IGF1R: variants seen among roughly 807,000 people sequenced by gnomAD.
IGF1R encodes insulin like growth factor 1 receptor, also known as insulin-like growth factor 1 receptor.
In IGF1R, 44 loss-of-function variants were observed where a neutral mutation model predicts 144.6. That is an observed-to-expected ratio of 0.30 (90% CI 0.24 to 0.39). The LOEUF is 0.39. IGF1R is among the 10% of genes least tolerant of loss of function. The pLI is 1.00. For synonymous variants in IGF1R, 795 were observed against 722.8 expected, an observed-to-expected ratio of 1.10 and a Z score of -1.60; for missense variants, 1,355 against 1,833.7, an observed-to-expected ratio of 0.74 and a Z score of 4.77.
chr15:98,952,559 T>C (rs2016821315), intron 20 of IGF1R, among the ~76,000 whole-genome samples: 1 of 152,094 alleles, frequency 6.6e-6, no homozygotes, highest in Admixed American at 6.5e-5. Context: ...CAGGTGTGAG[T>C]TCTGCTTCTG....
chr15:98,947,686 T>C (rs1277666101), intron 19 of IGF1R, among the ~76,000 whole-genome samples: 1 of 152,224 alleles, frequency 6.6e-6, no homozygotes, highest in African/African-American at 2.4e-5. Flanking sequence ...TGGTTTGATC[T>C]TCTAAACTGG....
chr15:98,957,002 GCCT>G lies in IGF1R; in HGVS notation c.3723-55_3723-53del, dbSNP rs1325031630. On this transcript the variant is annotated intron_variant, in intron 20 of 20. Coordinates refer to ENST00000650285, the MANE Select transcript of IGF1R (RefSeq NM_000875.5). The stretch of plus-strand genomic sequence containing the variant: ...GAAACCACTGCAGGCGGCCCATGAA[GCCT>G]CCTGGCCATGTGCGCCCTCCCGGTT... 2.5e-6 allele frequency: 4 copies of G among 1,602,016 alleles called. No individual in the cohort carries two copies. In the African/African-American group the frequency reaches 4.0e-5, roughly 16 times the overall value.
intron 2 of IGF1R, among the ~76,000 whole-genome samples, chr15:98,708,853 G>A (rs932447395): frequency 7.9e-5 from 12 of 152,188 alleles, no homozygotes; most frequent in African/African-American, 2.9e-4. Context: ...ACGAGTGAAG[G>A]AACTTTGGAA....
intron 2 of IGF1R, among the ~76,000 whole-genome samples, chr15:98,720,584 A>T (rs901328531): frequency 2.6e-5 from 4 of 152,158 alleles, no homozygotes; most frequent in Non-Finnish European, 4.4e-5. Flanking sequence ...AGTTCCAGAG[A>T]GCTTACTGAG....
At chr15:98,760,905 C>T (rs999944034) in intron 2 of IGF1R, among the ~76,000 whole-genome samples, 9 of 152,342 alleles carry the variant, frequency 5.9e-5, no homozygotes, top group East Asian at 3.9e-4. Context: ...TCTTCTTGGC[C>T]GTGTTGTTTG....
chr15:98,925,057 AC>A (rs1567202982), intron 13 of IGF1R, among the ~76,000 whole-genome samples: 1 of 151,688 alleles, frequency 6.6e-6, no homozygotes, highest in Non-Finnish European at 1.5e-5. Context: ...TCCACCTCCT[AC>A]TTGGTCAGTA....
intron 2 of IGF1R, among the ~76,000 whole-genome samples, chr15:98,758,704 G>T (rs530451081): frequency 6.6e-6 from 1 of 152,310 alleles, no homozygotes; most frequent in South Asian, 2.1e-4. Flanking sequence ...CTGTTTTGGA[G>T]ATTTGGGAGA....
rs2017168343 is a variant in IGF1R, at chr15:98,960,178, C to T, written c.*2736C>T. Reference sequence around the variant, plus strand: ...CCTCATCCACGCCACAGGCGCCACACCCAGGTGATGCAGGGGGAAGCCAGG... The same window carrying T: ...CCTCATCCACGCCACAGGCGCCACATCCAGGTGATGCAGGGGGAAGCCAGG... On this transcript the variant is annotated 3_prime_UTR_variant, in exon 21 of 21. Coordinates refer to ENST00000650285, the MANE Select transcript of IGF1R (RefSeq NM_000875.5). 4.3e-6 allele frequency: 1 copy of T among 233,628 alleles called. No homozygotes were observed. Among genetic ancestry groups the T allele is most frequent in the African/African-American group, 2.2e-5 (1 of 45,362 alleles). The allele number at this position is 233,628 out of a possible 1,614,324, so 14.5% of individuals were successfully genotyped here. A position where few individuals can be genotyped will look rare whatever the true frequency, so the allele number is the denominator to read the frequency against.
chr15:98,916,542 T>C, intron 9 of IGF1R, 130 bp from the exon 10 acceptor site: 1 of 873,882 alleles, frequency 1.1e-6, no homozygotes, highest in Non-Finnish European at 1.9e-6. Context: ...GATTATAGCC[T>C]TGAGCCACCA....
intron 20 of IGF1R, among the ~76,000 whole-genome samples, chr15:98,953,900 A>G (rs2016875621): frequency 1.3e-5 from 2 of 152,148 alleles, no homozygotes; most frequent in Admixed American, 1.3e-4. Flanking sequence ...GCTCCTGCTC[A>G]GTTAGCCCCA....
chr15:98,742,815 G>A (rs2054776779), intron 2 of IGF1R, among the ~76,000 whole-genome samples: 1 of 152,108 alleles, frequency 6.6e-6, no homozygotes, highest in East Asian at 1.9e-4. Context: ...GGAGGCTGAG[G>A]CGGGTGGATC....
chr15:98,815,645 T>C (rs1039270752), intron 2 of IGF1R, among the ~76,000 whole-genome samples: 3 of 152,174 alleles, frequency 2.0e-5, no homozygotes, highest in African/African-American at 7.2e-5. Context: ...TCACTCCAAA[T>C]CTCTCAGTGC....
chr15:98,719,841 C>A (rs772464342), intron 2 of IGF1R, among the ~76,000 whole-genome samples: 1 of 152,116 alleles, frequency 6.6e-6, no homozygotes, highest in Non-Finnish European at 1.5e-5. Flanking sequence ...ATTTGGGTAA[C>A]CCCAACTCTA....
intron 2 of IGF1R, among the ~76,000 whole-genome samples, chr15:98,875,610 CT>C (rs2013023867): frequency 6.6e-6 from 1 of 152,080 alleles, no homozygotes; most frequent in African/African-American, 2.4e-5. Flanking sequence ...ATCACGTGTG[CT>C]TTCCACTGTA....
intron 5 of IGF1R, among the ~76,000 whole-genome samples, chr15:98,905,296 A>C (rs182805325): frequency 6.6e-6 from 1 of 152,280 alleles, no homozygotes; most frequent in Admixed American, 6.5e-5. Flanking sequence ...AACATAGAGA[A>C]GGCTGAGAAC....
At chr15:98,802,524 AG>A (rs1362206044) in intron 2 of IGF1R, among the ~76,000 whole-genome samples, 3 of 152,356 alleles carry the variant, frequency 2.0e-5, no homozygotes, top group African/African-American at 7.2e-5. Flanking sequence ...AAGAGATGCA[AG>A]CCAACAGCAA....
chr15:98,658,613 C>T (rs887281219), intron 1 of IGF1R, among the ~76,000 whole-genome samples: 11 of 152,314 alleles, frequency 7.2e-5, no homozygotes, highest in African/African-American at 2.6e-4. Context: ...TCAGGTGATT[C>T]CTTTCCCCCA....
At chr15:98,709,146 A>G (rs2053934861) in intron 2 of IGF1R, among the ~76,000 whole-genome samples, 1 of 152,238 alleles carries the variant, frequency 6.6e-6, no homozygotes, top group Admixed American at 6.5e-5. Flanking sequence ...TTAAAGATGT[A>G]AGGAACCCAT....
chr15:98,808,742 C>T (rs931157703), intron 2 of IGF1R, among the ~76,000 whole-genome samples: 1 of 149,290 alleles, frequency 6.7e-6, no homozygotes, highest in East Asian at 2.0e-4. Context: ...TGCAGTGGTG[C>T]GGTCATAGCC....
Sources: allele counts gnomAD v4.1 joint callset (sites outside exome capture counted in the v4.1 genomes callset), GRCh38; gene constraint gnomAD v4.1.1; transcripts MANE v1.5; gene names NCBI Gene and HGNC (gene_info 2026-07-23, HGNC 2026-07-21).